MED28: variants seen among roughly 807,000 people sequenced by gnomAD.
MED28 encodes mediator of RNA polymerase II transcription subunit 28.
In MED28, 26 loss-of-function variants were observed where a neutral mutation model predicts 21.3. The ratio of observed to expected loss-of-function variants is 1.22; its 90% CI spans 0.89 to 1.69. The LOEUF (loss-of-function observed/expected upper bound fraction) is 1.69. MED28 is among the 40% of genes most tolerant of loss of function. The pLI, the probability that MED28 is intolerant of heterozygous loss-of-function variation, is 0.00. For missense variants in MED28, 257 were observed against 215.4 expected, an observed-to-expected ratio of 1.19 and a Z score of -1.21; for synonymous variants, 110 against 87.6, an observed-to-expected ratio of 1.26 and a Z score of -1.43.
intron 1 of MED28, among the ~76,000 whole-genome samples, chr4:17,618,013 C>CTTTTTTTTTTTTTTTTTTTTTT (rs529883796): frequency 1.7e-5 from 2 of 117,916 alleles, no homozygotes; most frequent in African/African-American, 3.1e-5. Context: ...CTTTTCTTTT[C>CTTTTTTTTTTTTTTTTTTTTTT]TTTTTTTTTT....
chr4:17,619,840 T>A, intron 1 of MED28, 61 bp from the exon 2 acceptor site: 1 of 1,475,948 alleles, frequency 6.8e-7, no homozygotes, highest in South Asian at 1.1e-5. Context: ...TTTCTTCCTC[T>A]GGAGTAAGAT....
Position 17,623,745 on chromosome 4 carries a change from G to T in MED28, c.484G>T (p.Ala162Ser), listed in dbSNP as rs1714700301. 1.2e-6 allele frequency: 2 copies of T among 1,614,046 alleles called. No individual in the cohort carries two copies. The highest frequency in any genetic ancestry group is 3.3e-5 in the Admixed American group (2 of 59,990). Reference sequence around the variant, plus strand: ...CGCCGACATCCCTCAGGGCTCCTTGGCCTACCTGGAGCAGGCATCTGCCAA... The same window carrying T: ...CGCCGACATCCCTCAGGGCTCCTTGTCCTACCTGGAGCAGGCATCTGCCAA... The part of the protein sequence containing the change: ...KPADIPQGSL[A>S]YLEQASANIP... Residue 162 changes from alanine to serine, a missense_variant, in exon 4 of 4, where the codon GCC becomes TCC. Transcript: ENST00000237380.
chr4:17,620,276 T>C (rs543968029), intron 2 of MED28, among the ~76,000 whole-genome samples: 1 of 152,204 alleles, frequency 6.6e-6, no homozygotes, highest in African/African-American at 2.4e-5. Flanking sequence ...GAAAAGTCTC[T>C]TGTGCTTCTT....
At position 17,632,409 on chromosome 4, in the gene MED28, T is replaced by C. The variant is rs1714979638; in HGVS notation, c.*8611T>C. 3 of 817,330 alleles carry C rather than the reference T, an allele frequency of 3.7e-6. No homozygotes were observed. The highest frequency in any genetic ancestry group is 5.7e-5 in the East Asian group (2 of 34,800). 50.6% of individuals were successfully genotyped at this position (817,330 alleles called of 1,614,324 possible). A position where few individuals can be genotyped will look rare whatever the true frequency, so the allele number is the denominator to read the frequency against. On this transcript the variant is annotated 3_prime_UTR_variant, in exon 4 of 4. Transcript: ENST00000237380. ...GAAGTGTTAACGCCAAAATTTGTTT[T>C]AGCTATCATATATAAATCATAAGCA... is the stretch of plus-strand genomic sequence containing the variant.
rs1388848475 is a variant in MED28, at chr4:17,630,677, G to A, written c.*6879G>A. 1 of 152,186 alleles carries A rather than the reference G, an allele frequency of 6.6e-6. No homozygotes were observed. The highest frequency in any genetic ancestry group is 1.5e-5 in the Non-Finnish European group (1 of 68,038). The allele number at this position is 152,186 out of a possible 1,614,324, so 9.4% of individuals were successfully genotyped here. ...AAACAGTATGGTGTGTTAATGTATG[G>A]TGACAAGTGTTTGTTTGCATTTAAA... On this transcript the variant is annotated 3_prime_UTR_variant, in exon 4 of 4. Coordinates refer to ENST00000237380, the MANE Select transcript of MED28 (RefSeq NM_025205.5).
rs1382624238 is a variant in MED28, at chr4:17,619,927, G to A, written c.186G>A (p.Gln62=). ...FEACFASLVS[Q]DYVNGTDQEE... is the part of the protein sequence containing the mutation. ...CTTGCTTTGCATCTCTGGTGAGTCA[G>A]GACTATGTCAATGGCACCGATCAGG... The change falls in exon 2 of 4, where the codon CAG becomes CAA. Residue 62 remains glutamine, a synonymous_variant. Coordinates refer to ENST00000237380, the MANE Select transcript of MED28 (RefSeq NM_025205.5). The A allele has an allele frequency of 6.2e-6, 10 of 1,614,106 alleles. No homozygotes were observed. Among genetic ancestry groups the A allele is most frequent in the Non-Finnish European group, 8.5e-6 (10 of 1,180,004 alleles).
rs1714684047 is a variant in MED28 at position 17,623,177 on chromosome 4, G to A, written c.340-424G>A. On this transcript the variant is annotated intron_variant, in intron 3 of 3. Coordinates refer to ENST00000237380, the MANE Select transcript of MED28 (RefSeq NM_025205.5). The stretch of plus-strand genomic sequence containing the variant: ...GCACTTTGGGAGGCTGAAGCAGGTG[G>A]ATAACTTGAGGTCAGGAGTTCGAGA... Among the ~76,000 whole-genome samples the A allele has an allele frequency of 3.9e-5, 6 of 152,262 alleles. No homozygotes were observed. In the South Asian group the frequency reaches 1.2e-3, roughly 32 times the overall value.
intron 3 of MED28, among the ~76,000 whole-genome samples, chr4:17,622,812 G>C (rs1714672375): frequency 6.6e-6 from 1 of 152,198 alleles, no homozygotes; most frequent in Non-Finnish European, 1.5e-5. Context: ...ATGGCAGAAG[G>C]TGAAAGACAC....
chr4:17,614,920 T>C, intron 1 of MED28, 107 bp downstream of exon 1: 1 of 1,324,704 alleles, frequency 7.5e-7, no homozygotes, highest in Non-Finnish European at 1.0e-6. Flanking sequence ...AATTCACAAA[T>C]GGGGAAACTG....
In MED28 at chr4:17,624,957, C is replaced by G. The variant is rs1422016077; in HGVS notation, c.*1159C>G. 3 of 152,038 alleles carry G rather than the reference C, an allele frequency of 2.0e-5. No homozygotes were observed. In the East Asian group the frequency reaches 5.8e-4, roughly 29 times the overall value. 9.4% of individuals were successfully genotyped at this position (152,038 alleles called of 1,614,324 possible). ...ATCTTATTAGATCACATCCCTTTAC[C>G]CAGAACAAATGCTTCACTGTCTTCT... On this transcript the variant is annotated 3_prime_UTR_variant, in exon 4 of 4. Coordinates refer to ENST00000237380, the MANE Select transcript of MED28 (RefSeq NM_025205.5).
chr4:17,632,642 GT>G lies in MED28; in HGVS notation c.*8851del. 8.5e-6 allele frequency: 9 copies of G among 1,056,076 alleles called. No homozygotes were observed. The highest frequency in any genetic ancestry group is 1.3e-5 in the Non-Finnish European group (9 of 719,468). The allele number at this position is 1,056,076 out of a possible 1,614,324, so 65.4% of individuals were successfully genotyped here. On this transcript the variant is annotated 3_prime_UTR_variant, in exon 4 of 4. Transcript: ENST00000237380. ...TCTGGGGTCCTAAAAGCAAAAAAAGGTTTTTTTATATGGTTTTGAAAACTAT... is the reference window on the plus strand; with the variant it reads ...TCTGGGGTCCTAAAAGCAAAAAAAGGTTTTTTATATGGTTTTGAAAACTAT...
intron 3 of MED28, 101 bp from the exon 4 acceptor site, chr4:17,623,500 A>G (rs1472808904): frequency 1.8e-6 from 2 of 1,142,106 alleles, no homozygotes; most frequent in African/African-American, 1.5e-5. Flanking sequence ...ATATGGTTTA[A>G]TGGATTCTCT....
At position 17,622,032 on chromosome 4, in the gene MED28, A is replaced by C. The variant is rs571090278; in HGVS notation, c.339+333A>C. On this transcript the variant is annotated intron_variant, in intron 3 of 3. Transcript: ENST00000237380. ...ATAGGCTTGTTTTGGACAAAAACTGAGATCTGTGTCCCCACTTGCCTTACC... is the reference window on the plus strand; with the variant it reads ...ATAGGCTTGTTTTGGACAAAAACTGCGATCTGTGTCCCCACTTGCCTTACC... Among the ~76,000 whole-genome samples the C allele has an allele frequency of 7.2e-5, 11 of 152,360 alleles. No individual in the cohort carries two copies. In the South Asian group the frequency reaches 2.3e-3, roughly 32 times the overall value.
In MED28 at chr4:17,625,613, T is replaced by G; in HGVS notation, c.*1815T>G. The G allele has an allele frequency of 4.6e-6, 2 of 439,102 alleles. No homozygotes were observed. Among genetic ancestry groups the G allele is most frequent in the Non-Finnish European group, 9.0e-6 (2 of 221,218 alleles). The allele number at this position is 439,102 out of a possible 1,614,324, so 27.2% of individuals were successfully genotyped here. A position where few individuals can be genotyped will look rare whatever the true frequency, so the allele number is the denominator to read the frequency against. On this transcript the variant is annotated 3_prime_UTR_variant, in exon 4 of 4. Coordinates refer to ENST00000237380, the MANE Select transcript of MED28 (RefSeq NM_025205.5). ...GCCATTTCTTTATTAAATTCAGAAGTTTTTTTGCCAAATAACAATTTTTCA... is the reference window on the plus strand; with the variant it reads ...GCCATTTCTTTATTAAATTCAGAAGGTTTTTTGCCAAATAACAATTTTTCA...
intron 1 of MED28, 117 bp from the exon 2 acceptor site, chr4:17,619,784 C>T: frequency 2.4e-6 from 2 of 825,426 alleles, no homozygotes; most frequent in Non-Finnish European, 4.0e-6. Flanking sequence ...ATCTCATATG[C>T]AAACACAGAT....
chr4:17,622,055 AC>A (rs760461125), intron 3 of MED28, among the ~76,000 whole-genome samples: 11 of 152,228 alleles, frequency 7.2e-5, no homozygotes, highest in Non-Finnish European at 1.5e-4. Context: ...CACTTGCCTT[AC>A]CCAGTGCCTT....
chr4:17,624,006 C>A lies in MED28; in HGVS notation c.*208C>A. 7.0e-6 allele frequency: 4 copies of A among 575,396 alleles called. No individual in the cohort carries two copies. The highest frequency in any genetic ancestry group is 2.5e-5 in the South Asian group (1 of 40,602). The allele number at this position is 575,396 out of a possible 1,614,324, so 35.6% of individuals were successfully genotyped here. On this transcript the variant is annotated 3_prime_UTR_variant, in exon 4 of 4. Transcript: ENST00000237380. ...TAACATGTCTGTAGCTTGGATAAAC[C>A]AAGTAAGTATTTTTTTTTTGTCTTT...
intron 1 of MED28, among the ~76,000 whole-genome samples, chr4:17,615,532 C>T (rs916596666): frequency 8.5e-5 from 13 of 152,224 alleles, no homozygotes; most frequent in African/African-American, 2.9e-4. Flanking sequence ...CCCAGTTTTG[C>T]CGGGCGCGGT....
At position 17,633,578 on chromosome 4, in the gene MED28, C is replaced by T; in HGVS notation, c.*9780C>T. ...ATTCAGTGTCCCTTGTCTAATCATCCATGAAAAAAGGCCTTCTGGAATTTG... is the reference window on the plus strand; with the variant it reads ...ATTCAGTGTCCCTTGTCTAATCATCTATGAAAAAAGGCCTTCTGGAATTTG... On this transcript the variant is annotated 3_prime_UTR_variant, in exon 4 of 4. Coordinates refer to ENST00000237380, the MANE Select transcript of MED28 (RefSeq NM_025205.5). 3.0e-6 allele frequency: 3 copies of T among 997,284 alleles called. No individual in the cohort carries two copies. The highest frequency in any genetic ancestry group is 4.2e-6 in the Non-Finnish European group (3 of 712,876). The allele number at this position is 997,284 out of a possible 1,614,324, so 61.8% of individuals were successfully genotyped here.
Sources: gnomAD v4.1 joint callset for allele counts (sites outside exome capture counted in the v4.1 genomes callset) on GRCh38, gnomAD v4.1.1 for gene constraint, MANE v1.5 for transcripts, NCBI Gene and HGNC (gene_info 2026-07-23, HGNC 2026-07-21) for gene names.